USP9X: variants seen among roughly 807,000 people sequenced by gnomAD.
The protein encoded by USP9X is ubiquitin specific peptidase 9 X-linked, also known as ubiquitin carboxyl-terminal hydrolase 9X.
In USP9X, 7 loss-of-function variants were observed where a neutral mutation model predicts 190.3. The observed-to-expected ratio is 0.04, with a 90% CI of 0.02 to 0.07. The LOEUF is 0.07. Ranked by LOEUF, USP9X falls within the 10% of genes least tolerant of loss-of-function variation. The probability of loss-of-function intolerance (pLI) is 1.00; values close to 1 mark genes in which losing one functional copy is unlikely to be tolerated. For synonymous variants in USP9X, 645 were observed against 659.5 expected, an observed-to-expected ratio of 0.98 and a Z score of 0.34; for missense variants, 1,010 against 1,916.9, an observed-to-expected ratio of 0.53 and a Z score of 8.83.
At chrX:41,093,324 G>C (rs971207425) in intron 1 of USP9X, among the ~76,000 whole-genome samples, 2 of 112,212 alleles carry the variant, frequency 1.8e-5, no homozygotes, top group Admixed American at 1.9e-4. Flanking sequence ...GTATTTGTAC[G>C]GCAGTATCTT....
At chrX:41,109,957 G>T (rs2062096934) in intron 1 of USP9X, among the ~76,000 whole-genome samples, 1 of 111,750 alleles carries the variant, frequency 8.9e-6, no homozygotes, top group African/African-American at 3.3e-5. Flanking sequence ...GGATGTTTAG[G>T]TGTATAGCTG....
chrX:41,183,520 G>T (rs2062846758), intron 21 of USP9X, among the ~76,000 whole-genome samples: 1 of 111,641 alleles, frequency 9.0e-6, no homozygotes, highest in African/African-American at 3.3e-5. Context: ...ATGTACATAG[G>T]CACTTACCCT....
At chrX:41,137,685 C>T (rs1383099764) in intron 6 of USP9X, among the ~76,000 whole-genome samples, 1 of 110,540 alleles carries the variant, frequency 9.0e-6, no homozygotes, top group Non-Finnish European at 1.9e-5. Flanking sequence ...TTATGGAGAA[C>T]TTGGTTTATT....
At chrX:41,111,844 ATT>A (rs11349809) in intron 1 of USP9X, among the ~76,000 whole-genome samples, 415 of 87,189 alleles carry the variant, frequency 4.8e-3, no homozygotes, top group African/African-American at 9.8e-3. Context: ...GTCTTTGAAG[ATT>A]TTTTTTTTTT....
chrX:41,184,378 C>A lies in USP9X; in HGVS notation c.3280-19C>A. ...AATCTTTTAATACAGCCCTCTCCCC[C>A]TCTTCTCTATTTTTCCAGGTAGTCT... On this transcript the variant is annotated intron_variant, in intron 22 of 44. Transcript: ENST00000378308. 8.3e-7 allele frequency: 1 copy of A among 1,202,949 alleles called. No individual in the cohort carries two copies. The highest frequency in any genetic ancestry group is 1.1e-6 in the Non-Finnish European group (1 of 890,618).
chrX:41,086,208 C>T (rs1371658243), intron 1 of USP9X, 99 bp downstream of exon 1: 4 of 288,394 alleles, frequency 1.4e-5, no homozygotes, highest in Non-Finnish European at 2.4e-5. Flanking sequence ...TGTGTGCGAG[C>T]CTCTTCCCTC....
At chrX:41,171,712 C>A in intron 20 of USP9X, 126 bp from the exon 21 acceptor site, 1 of 828,375 alleles carries the variant, frequency 1.2e-6, no homozygotes, top group Non-Finnish European at 1.8e-6. Flanking sequence ...GAAAGTCAGA[C>A]TATTTCAAAG....
At position 41,147,484 on chromosome X, in the gene USP9X, C is replaced by T. The variant is rs372643657; in HGVS notation, c.1420-885C>T. ...TTTTTTTTTTTTGGAGACAGAGTCT[C>T]ACTCTGTCACCCAGACTGGAGTGCA... On this transcript the variant is annotated intron_variant, in intron 11 of 44. Coordinates refer to ENST00000378308, the MANE Select transcript of USP9X (RefSeq NM_001039591.3). Among the ~76,000 whole-genome samples the T allele has an allele frequency of 4.7e-4, 40 of 85,169 alleles. 3 individuals carry two copies. The highest frequency in any genetic ancestry group is 4.2e-3 in the East Asian group (10 of 2,372). 74.0% of individuals were successfully genotyped at this position (85,169 alleles called of 115,157 possible).
At chrX:41,101,031 TTTTG>T (rs1447618100) in intron 1 of USP9X, among the ~76,000 whole-genome samples, 2 of 111,969 alleles carry the variant, frequency 1.8e-5, no homozygotes, top group Admixed American at 9.5e-5. Context: ...CCTCTGGTCT[TTTTG>T]TTTAATAATA....
chrX:41,136,703 G>A, intron 5 of USP9X, 101 bp from the exon 6 acceptor site: 2 of 573,742 alleles, frequency 3.5e-6, no homozygotes. Flanking sequence ...GAAAAATGGA[G>A]AGATCGTTAT....
intron 14 of USP9X, among the ~76,000 whole-genome samples, chrX:41,153,816 A>G (rs2062551789): frequency 8.9e-6 from 1 of 112,091 alleles, no homozygotes; most frequent in Non-Finnish European, 1.9e-5. Flanking sequence ...CCCGAGCAGT[A>G]TGTAAGAAAA....
At position 41,131,601 on chromosome X, in the gene USP9X, A is replaced by G. The variant is rs969896056; in HGVS notation, c.322+65A>G. The G allele has an allele frequency of 1.8e-5, 18 of 997,847 alleles. No individual in the cohort carries two copies. In the Admixed American group the frequency reaches 4.1e-4, roughly 22 times the overall value. The allele number at this position is 997,847 out of a possible 1,213,427, so 82.2% of individuals were successfully genotyped here. A position where few individuals can be genotyped will look rare whatever the true frequency, so the allele number is the denominator to read the frequency against. ...CTAGATGTATTTTTACTTTATCCCAAAAGCGGATGAAGTGGATTTGTTTTC... is the reference window on the plus strand; with the variant it reads ...CTAGATGTATTTTTACTTTATCCCAGAAGCGGATGAAGTGGATTTGTTTTC... On this transcript the variant is annotated intron_variant, in intron 4 of 44. Transcript: ENST00000378308.
chrX:41,135,716 C>T (rs1390789492), intron 5 of USP9X, among the ~76,000 whole-genome samples: 1 of 111,630 alleles, frequency 9.0e-6, no homozygotes, highest in East Asian at 2.8e-4. Flanking sequence ...CTGCAACCTC[C>T]GCCTCCCAGG....
At chrX:41,205,891 T>TTTC (rs1202875846) in intron 32 of USP9X, among the ~76,000 whole-genome samples, 5 of 99,528 alleles carry the variant, frequency 5.0e-5, no homozygotes, top group African/African-American at 1.4e-4. Context: ...CTTTTTCTTT[T>TTTC]TTTCTTTTTT....
intron 2 of USP9X, among the ~76,000 whole-genome samples, chrX:41,127,380 TTTTA>T (rs1209949134): frequency 5.3e-5 from 6 of 112,237 alleles, no homozygotes; most frequent in African/African-American, 1.9e-4. Flanking sequence ...TATGGACAGT[TTTTA>T]TTTACTCTTA....
rs200403625 is a variant in USP9X, at chrX:41,181,435, C to CTTTTTT, written c.3149-2539_3149-2534dup. On this transcript the variant is annotated intron_variant, in intron 21 of 44. Coordinates refer to ENST00000378308, the MANE Select transcript of USP9X (RefSeq NM_001039591.3). ...TACAGGTACACACCACCACACCTGA[C>CTTTTTT]TTTTTTTTTTTTTTTTTTTTTTTTT... Among the ~76,000 whole-genome samples, 107 of 38,555 alleles carry CTTTTTT rather than the reference C, an allele frequency of 2.8e-3. 33 individuals carry two copies. The highest frequency in any genetic ancestry group is 0.021 in the East Asian group (30 of 1,418). The allele number at this position is 38,555 out of a possible 115,157, so 33.5% of individuals were successfully genotyped here. A position where few individuals can be genotyped will look rare whatever the true frequency, so the allele number is the denominator to read the frequency against.
chrX:41,144,996 G>A (rs2062452792), intron 11 of USP9X, among the ~76,000 whole-genome samples: 1 of 111,498 alleles, frequency 9.0e-6, no homozygotes, highest in African/African-American at 3.3e-5. Flanking sequence ...CAAAATATGA[G>A]TTAATCAAAA....
At position 41,121,792 on chromosome X, in the gene USP9X, G is replaced by A. The variant is rs777141310; in HGVS notation, c.-158-1679G>A. Among the ~76,000 whole-genome samples the A allele has an allele frequency of 4.5e-5, 5 of 111,408 alleles. No individual in the cohort carries two copies. In the East Asian group the frequency reaches 8.5e-4, roughly 19 times the overall value. Reference sequence around the variant, plus strand: ...TTATTTCATCTGGAGAGGAACCTGGGCATCAGTGTTTTAAACAAAATCACT... The same window carrying A: ...TTATTTCATCTGGAGAGGAACCTGGACATCAGTGTTTTAAACAAAATCACT... On this transcript the variant is annotated intron_variant, in intron 1 of 44. Transcript: ENST00000378308.
chrX:41,102,897 A>G (rs933472364), intron 1 of USP9X, among the ~76,000 whole-genome samples: 3 of 110,612 alleles, frequency 2.7e-5, no homozygotes, highest in African/African-American at 9.9e-5. Context: ...GGTTCAAACA[A>G]TCTCCCTGCT....
Sources: allele counts gnomAD v4.1 joint callset (sites outside exome capture counted in the v4.1 genomes callset), GRCh38; gene constraint gnomAD v4.1.1; transcripts MANE v1.5; gene names NCBI Gene and HGNC (gene_info 2026-07-23, HGNC 2026-07-21).